The following SEMA3D variants were observed in gnomAD, a reference collection of about 807,000 sequenced individuals.
SEMA3D encodes the protein semaphorin-3D.
Under a neutral mutation model 100.1 loss-of-function variants are expected in SEMA3D, and 84 were observed. That is an observed-to-expected ratio of 0.84 (90% CI 0.70 to 1.01). The LOEUF (loss-of-function observed/expected upper bound fraction) is 1.01, where lower values mean the gene tolerates loss of function less well. SEMA3D is among the 50% of genes least tolerant of loss of function. SEMA3D has a pLI of 0.00. For synonymous variants in SEMA3D, 312 were observed against 320.7 expected (o/e 0.97, Z 0.29); for missense variants, 875 against 934.1 (o/e 0.94, Z 0.82).
chr7:85,178,370 G>C (rs1019205787), intron 1 of SEMA3D, among the ~76,000 whole-genome samples: 1 of 152,172 alleles, frequency 6.6e-6, no homozygotes, highest in Non-Finnish European at 1.5e-5. Flanking sequence ...TGAAACTTCT[G>C]AGACTTGTTG....
At chr7:85,032,539 G>T (rs1048852190) in intron 12 of SEMA3D, among the ~76,000 whole-genome samples, 2 of 151,984 alleles carry the variant, frequency 1.3e-5, no homozygotes, top group African/African-American at 4.8e-5. Flanking sequence ...AGCTACCACG[G>T]ATTTCTAGAT....
At position 85,166,826 on chromosome 7, in the gene SEMA3D, C is replaced by A. The variant is rs968871940; in HGVS notation, c.-172-13087G>T. ...TAAGGGAAAAAATAAAAAATGAAAGCCCCGTTTTATTTTTGACATTTTATA... is the reference window on the plus strand; with the variant it reads ...TAAGGGAAAAAATAAAAAATGAAAGACCCGTTTTATTTTTGACATTTTATA... On this transcript the variant is annotated intron_variant, in intron 1 of 18. Transcript: ENST00000284136. 3.9e-5 allele frequency among the ~76,000 whole-genome samples: 6 copies of A among 151,906 alleles called. No homozygotes were observed. In the East Asian group the frequency reaches 5.8e-4, roughly 15 times the overall value.
In SEMA3D at chr7:85,142,626, CAG is replaced by C. The variant is rs1790086755; in HGVS notation, c.-41+10980_-41+10981del. On this transcript the variant is annotated intron_variant, in intron 2 of 18. Transcript: ENST00000284136. ...AAGGCTTTGGATATTTGTTTTATTT[CAG>C]AGAGTCCAGAAAGAGATTCTTTAGA... is the stretch of plus-strand genomic sequence containing the variant. 4 of 981,342 alleles carry C rather than the reference CAG, an allele frequency of 4.1e-6. No individual in the cohort carries two copies. The African/African-American group carries it at 5.3e-5, about 13-fold the overall frequency. 60.8% of individuals were successfully genotyped at this position (981,342 alleles called of 1,614,324 possible). A position where few individuals can be genotyped will look rare whatever the true frequency, so the allele number is the denominator to read the frequency against.
chr7:85,187,433 A>G (rs563065196), upstream of SEMA3D, among the ~76,000 whole-genome samples: 3 of 152,290 alleles, frequency 2.0e-5, no homozygotes, highest in South Asian at 6.2e-4. Flanking sequence ...CCTGCGTTCC[A>G]CTATGTAAAA....
chr7:85,185,518 T>C (rs1373090879), intron 1 of SEMA3D, among the ~76,000 whole-genome samples: 1 of 152,202 alleles, frequency 6.6e-6, no homozygotes, highest in Non-Finnish European at 1.5e-5. Flanking sequence ...GCTTGCCTTT[T>C]ATTACCGCTT....
Position 85,045,913 on chromosome 7 carries a change from C to A in SEMA3D, c.862-3628G>T, listed in dbSNP as rs540145288. ...GTGATAAGAAGAGCACTAGTAAAAA[C>A]ATTTTTATTTTAATGAATTCTTATA... On this transcript the variant is annotated intron_variant, in intron 9 of 18. Coordinates refer to ENST00000284136, the MANE Select transcript of SEMA3D (RefSeq NM_001384900.1). Among the ~76,000 whole-genome samples, 8 of 151,850 alleles carry A rather than the reference C, an allele frequency of 5.3e-5. No individual in the cohort carries two copies. The East Asian group carries it at 1.6e-3, about 29-fold the overall frequency.
intron 3 of SEMA3D, among the ~76,000 whole-genome samples, chr7:85,099,280 A>G (rs1473881670): frequency 1.3e-5 from 2 of 151,906 alleles, no homozygotes; most frequent in African/African-American, 2.4e-5. Context: ...TGGTTTCCCC[A>G]TACTGTTCTC....
At chr7:85,241,467 G>GTGTGTATATATATATA in the SEMA3D span, among the ~76,000 whole-genome samples, 14 of 91,956 alleles carry the variant, frequency 1.5e-4, 2 homozygotes, top group East Asian at 7.9e-3. Flanking sequence ...CTGTGTGTGT[G>GTGTGTATATATATATA]TATATATATA....
At chr7:85,051,750 AT>A (rs965723441) in intron 9 of SEMA3D, among the ~76,000 whole-genome samples, 3 of 151,758 alleles carry the variant, frequency 2.0e-5, no homozygotes, top group Non-Finnish European at 2.9e-5. Context: ...TGTGCTCATA[AT>A]TTTTTTTGTT....
intron 2 of SEMA3D, among the ~76,000 whole-genome samples, chr7:85,129,384 A>G (rs1789661456): frequency 6.6e-6 from 1 of 152,084 alleles, no homozygotes; most frequent in South Asian, 2.1e-4. Flanking sequence ...CTTCATATGT[A>G]TATTTTAATT....
the SEMA3D span, among the ~76,000 whole-genome samples, chr7:85,225,115 T>TATATAATAAATATATATATAAA: frequency 1.4e-5 from 1 of 73,680 alleles, no homozygotes; most frequent in African/African-American, 7.9e-5. Context: ...TACATACATA[T>TATATAATAAATATATATATAAA]ATACATATAT....
chr7:85,088,969 C>T (rs1043218645), intron 4 of SEMA3D, among the ~76,000 whole-genome samples: 1 of 152,150 alleles, frequency 6.6e-6, no homozygotes, highest in Non-Finnish European at 1.5e-5. Context: ...TTCTACTACA[C>T]TTTTGCTTAT....
intron 12 of SEMA3D, chr7:85,028,382 G>GAGA (rs1474644117): frequency 7.2e-6 from 1 of 139,666 alleles, no homozygotes; most frequent in African/African-American, 9.7e-5. Flanking sequence ...TTACAGTTTA[G>GAGA]ACAAAAAAAA....
chr7:85,238,578 C>A, the SEMA3D span, among the ~76,000 whole-genome samples: 1 of 152,174 alleles, frequency 6.6e-6, no homozygotes, highest in Non-Finnish European at 1.5e-5. Context: ...TCCAATACAA[C>A]ACTGTCACTA....
Position 85,121,791 on chromosome 7 carries a change from A to T in SEMA3D, c.101T>A (p.Val34Asp). 6.2e-7 allele frequency: 1 copy of T among 1,609,234 alleles called. No homozygotes were observed. Among genetic ancestry groups the T allele is most frequent in the East Asian group, 2.2e-5 (1 of 44,650 alleles). ...AATATTTTGCTTCAAAGTGCCAGTG[A>T]CTGGAAGAAACAACATGGTCATGCT... ...MLSMTMLFLP[V>D]TGTLKQNIPR... Residue 34 changes from valine (V) to aspartate (D), a missense_variant, in exon 3 of 19, where the codon GTC (valine) becomes GAC (aspartate). By Grantham distance (152) the Val-to-Asp change is radical. Transcript: ENST00000284136.
chr7:85,183,749 G>A (rs919150877), intron 1 of SEMA3D, among the ~76,000 whole-genome samples: 5 of 152,134 alleles, frequency 3.3e-5, no homozygotes, highest in African/African-American at 9.7e-5. Flanking sequence ...ATAGTTTCCC[G>A]ATAATTCCAA....
chr7:85,047,718 ATG>A (rs1430046239), intron 9 of SEMA3D, among the ~76,000 whole-genome samples: 1 of 151,856 alleles, frequency 6.6e-6, no homozygotes, highest in East Asian at 1.9e-4. Flanking sequence ...AACCCTATTC[ATG>A]AGTTTAAGTT....
intron 2 of SEMA3D, among the ~76,000 whole-genome samples, chr7:85,152,218 T>A (rs1313292437): frequency 1.3e-5 from 2 of 152,088 alleles, no homozygotes; most frequent in Middle Eastern, 3.2e-3. Flanking sequence ...TTTACGGTAA[T>A]GTGTAAATAA....
chr7:85,091,807 A>C (rs1015182005), intron 4 of SEMA3D, among the ~76,000 whole-genome samples: 1 of 152,082 alleles, frequency 6.6e-6, no homozygotes, highest in Non-Finnish European at 1.5e-5. Flanking sequence ...AAATAGATAT[A>C]AATGTCTATT....
Sources: gnomAD v4.1 joint callset for allele counts (sites outside exome capture counted in the v4.1 genomes callset) on GRCh38, gnomAD v4.1.1 for gene constraint, MANE v1.5 for transcripts, NCBI Gene and HGNC (gene_info 2026-07-23, HGNC 2026-07-21) for gene names.